Variants in AFG2A observed in about 807,000 individuals in gnomAD.
AFG2A encodes ATPase family gene 2 protein homolog A.
At chr4:122,970,833 T>TA in the AFG2A span, among the ~76,000 whole-genome samples, 5 of 149,452 alleles carry the variant, frequency 3.3e-5, no homozygotes, top group East Asian at 6.1e-4. Context: ...CTAGAAGAAG[T>TA]AAAAAAAAAT....
chr4:123,215,313 A>G, the AFG2A span, among the ~76,000 whole-genome samples: 1 of 152,062 alleles, frequency 6.6e-6, no homozygotes, highest in Non-Finnish European at 1.5e-5. Flanking sequence ...GCTAATGCTA[A>G]TTGTATGACT....
At chr4:123,213,016 C>G in the AFG2A span, among the ~76,000 whole-genome samples, 1 of 152,152 alleles carries the variant, frequency 6.6e-6, no homozygotes, top group South Asian at 2.1e-4. Flanking sequence ...GCAAGAGATT[C>G]TTTCCATACC....
chr4:123,060,470 C>A, the AFG2A span, among the ~76,000 whole-genome samples: 1 of 152,232 alleles, frequency 6.6e-6, no homozygotes, highest in Admixed American at 6.5e-5. Context: ...GACTTCTGCA[C>A]AACCGCAGGC....
At chr4:123,284,876 A>T in the AFG2A span, among the ~76,000 whole-genome samples, 1 of 152,208 alleles carries the variant, frequency 6.6e-6, no homozygotes, top group African/African-American at 2.4e-5. Flanking sequence ...ATGCCAAAAT[A>T]GTTTGAGATT....
the AFG2A span, among the ~76,000 whole-genome samples, chr4:123,247,582 A>ATGTTTGTTTATT: frequency 6.7e-6 from 1 of 149,496 alleles, no homozygotes; most frequent in Non-Finnish European, 1.5e-5. Flanking sequence ...GCTAATTTTT[A>ATGTTTGTTTATT]TGTTTGTTTG....
chr4:123,124,499 G>A, the AFG2A span, among the ~76,000 whole-genome samples: 152 of 152,228 alleles, frequency 1.0e-3, no homozygotes, highest in African/African-American at 3.6e-3. Context: ...GGGGTGTGGG[G>A]AGAGGGGAGG....
the AFG2A span, among the ~76,000 whole-genome samples, chr4:123,062,344 G>A: frequency 6.6e-6 from 1 of 152,106 alleles, no homozygotes; most frequent in Non-Finnish European, 1.5e-5. Flanking sequence ...ATACCATATG[G>A]CCTATTGCTA....
the AFG2A span, among the ~76,000 whole-genome samples, chr4:123,071,091 T>C: frequency 6.6e-6 from 1 of 152,236 alleles, no homozygotes; most frequent in Admixed American, 6.5e-5. Context: ...GGATTATGTT[T>C]ATGATATCAG....
chr4:122,992,112 A>G, the AFG2A span, among the ~76,000 whole-genome samples: 5 of 152,250 alleles, frequency 3.3e-5, no homozygotes, highest in African/African-American at 1.2e-4. Flanking sequence ...ATTTAAAATT[A>G]CTGCCAGTGG....
At chr4:123,294,457 T>G in the AFG2A span, among the ~76,000 whole-genome samples, 1 of 152,214 alleles carries the variant, frequency 6.6e-6, no homozygotes, top group Non-Finnish European at 1.5e-5. Context: ...TACCCATTAG[T>G]TAACCCCATC....
the AFG2A span, among the ~76,000 whole-genome samples, chr4:123,027,573 C>G: frequency 6.6e-6 from 1 of 152,116 alleles, no homozygotes. Context: ...TTCATGGTTA[C>G]TGGTTGTTAT....
chr4:123,185,566 A>C, the AFG2A span, among the ~76,000 whole-genome samples: 2 of 152,174 alleles, frequency 1.3e-5, no homozygotes, highest in African/African-American at 2.4e-5. Flanking sequence ...TCTGATTTCA[A>C]ATTTCATTTC....
At chr4:123,090,683 A>G in the AFG2A span, 5 of 1,614,130 alleles carry the variant, frequency 3.1e-6, no homozygotes, top group Non-Finnish European at 2.5e-6. Flanking sequence ...GCAGCTACTA[A>G]CCGTCCAGAT....
the AFG2A span, chr4:122,935,600 C>T: frequency 2.4e-6 from 3 of 1,274,438 alleles, no homozygotes; most frequent in South Asian, 2.1e-5. Flanking sequence ...ACTCTTGACT[C>T]TTTTTGTGAC....
chr4:123,037,245 G>A, the AFG2A span, among the ~76,000 whole-genome samples: 1 of 151,932 alleles, frequency 6.6e-6, no homozygotes, highest in East Asian at 1.9e-4. Context: ...CTGATATGAT[G>A]TAAAATAATG....
chr4:123,255,799 C>T, the AFG2A span, among the ~76,000 whole-genome samples: 10 of 144,464 alleles, frequency 6.9e-5, no homozygotes, highest in East Asian at 6.2e-4. Flanking sequence ...GGATTACAGG[C>T]GTGAGCCACC....
chr4:122,947,817 T>TA, the AFG2A span, among the ~76,000 whole-genome samples: 1 of 152,018 alleles, frequency 6.6e-6, no homozygotes, highest in Non-Finnish European at 1.5e-5. Flanking sequence ...GTTAAAACAG[T>TA]AAAAAATAAT....
the AFG2A span, among the ~76,000 whole-genome samples, chr4:123,027,173 C>A: frequency 1.3e-5 from 2 of 151,912 alleles, no homozygotes; most frequent in African/African-American, 4.8e-5. Flanking sequence ...TGAATCTTGT[C>A]AGAGAAATCT....
chr4:123,017,921 G>T, the AFG2A span, among the ~76,000 whole-genome samples: 1 of 152,172 alleles, frequency 6.6e-6, no homozygotes, highest in Non-Finnish European at 1.5e-5. Flanking sequence ...CATTGTCAGT[G>T]CCCCTGGAGC....
Sources: allele counts gnomAD v4.1 joint callset (sites outside exome capture counted in the v4.1 genomes callset), GRCh38; gene constraint gnomAD v4.1.1; transcripts MANE v1.5; gene names NCBI Gene and HGNC (gene_info 2026-07-23, HGNC 2026-07-21).